GULP1: variants seen among roughly 807,000 people sequenced by gnomAD.
The protein encoded by GULP1 is GULP PTB domain containing engulfment adaptor 1.
A neutral mutation model predicts 40.9 loss-of-function variants in GULP1; 19 were observed. That is an observed-to-expected ratio of 0.46 (90% CI 0.32 to 0.68). GULP1 has a LOEUF of 0.68. GULP1 is among the 30% of genes least tolerant of loss of function. GULP1 has a pLI of 0.03. For synonymous variants in GULP1, 119 were observed against 117.6 expected (o/e 1.01, Z -0.08); for missense variants, 312 against 362.2 (o/e 0.86, Z 1.12).
At chr2:188,428,837 GT>G (rs1359373440) in intron 2 of GULP1, among the ~76,000 whole-genome samples, 1 of 151,056 alleles carries the variant, frequency 6.6e-6, no homozygotes, top group Admixed American at 6.6e-5. Context: ...AGTAATCTTT[GT>G]TGTTTTACCC....
At chr2:188,569,956 A>G (rs2153432118) in intron 8 of GULP1, 72 bp from the exon 9 acceptor site, 1 of 641,130 alleles carries the variant, frequency 1.6e-6, no homozygotes, top group Non-Finnish European at 2.8e-6. Flanking sequence ...ATAAATTCCT[A>G]CTCATAACTG....
At chr2:188,419,837 T>C (rs903022419) in intron 2 of GULP1, among the ~76,000 whole-genome samples, 2 of 152,210 alleles carry the variant, frequency 1.3e-5, no homozygotes, top group African/African-American at 2.4e-5. Context: ...TTTTGAGTCG[T>C]ATGTTTAAGT....
chr2:188,472,225 T>A (rs1374680561), intron 2 of GULP1, among the ~76,000 whole-genome samples: 1 of 152,066 alleles, frequency 6.6e-6, no homozygotes, highest in Non-Finnish European at 1.5e-5. Context: ...TCTTTGGGAG[T>A]TTGATTATTA....
At chr2:188,524,058 A>G (rs192683106) in intron 5 of GULP1, among the ~76,000 whole-genome samples, 1 of 152,332 alleles carries the variant, frequency 6.6e-6, no homozygotes, top group Admixed American at 6.5e-5. Context: ...ACACATTAGA[A>G]TAGGATTCTA....
chr2:188,346,098 G>A (rs2043607088), intron 1 of GULP1, among the ~76,000 whole-genome samples: 1 of 152,200 alleles, frequency 6.6e-6, no homozygotes, highest in South Asian at 2.1e-4. Flanking sequence ...ATAAATCACA[G>A]AGTGGATATT....
chr2:188,362,202 T>C (rs1267460231), intron 1 of GULP1, among the ~76,000 whole-genome samples: 2 of 152,070 alleles, frequency 1.3e-5, no homozygotes, highest in Admixed American at 1.3e-4. Flanking sequence ...CTGGAAATAT[T>C]CCATGTAAAA....
At chr2:188,408,601 G>A (rs1230603379) in intron 2 of GULP1, among the ~76,000 whole-genome samples, 4 of 152,058 alleles carry the variant, frequency 2.6e-5, no homozygotes, top group Admixed American at 2.0e-4. Flanking sequence ...TTTCAACAAT[G>A]GACAGATTAT....
At chr2:188,325,188 A>G (rs2040577812) in intron 1 of GULP1, among the ~76,000 whole-genome samples, 1 of 152,064 alleles carries the variant, frequency 6.6e-6, no homozygotes, top group Non-Finnish European at 1.5e-5. Flanking sequence ...TGTAAAAGAG[A>G]TTATACCAAA....
intron 5 of GULP1, among the ~76,000 whole-genome samples, chr2:188,526,528 G>A (rs1686196202): frequency 6.6e-6 from 1 of 152,058 alleles, no homozygotes; most frequent in African/African-American, 2.4e-5. Flanking sequence ...AAGGCAAGAG[G>A]TCTGTAAGTA....
intron 6 of GULP1, among the ~76,000 whole-genome samples, chr2:188,538,671 A>ATGTGTGTGTGAG (rs956705048): frequency 2.7e-5 from 4 of 150,034 alleles, no homozygotes; most frequent in African/African-American, 4.9e-5. Flanking sequence ...TGATTGCGGT[A>ATGTGTGTGTGAG]TGTGTGTGTG....
At chr2:188,422,839 C>T (rs1243319720) in intron 2 of GULP1, among the ~76,000 whole-genome samples, 1 of 151,944 alleles carries the variant, frequency 6.6e-6, no homozygotes, top group Non-Finnish European at 1.5e-5. Flanking sequence ...ACTTTGTGAC[C>T]ATACATGAGA....
At chr2:188,326,664 T>C (rs970790338) in intron 1 of GULP1, among the ~76,000 whole-genome samples, 5 of 152,172 alleles carry the variant, frequency 3.3e-5, no homozygotes, top group Non-Finnish European at 7.4e-5. Context: ...ACACTTGATA[T>C]AGTTTTATTT....
rs1234847713 is a variant in GULP1 at position 188,556,072 on chromosome 2, AAAAG to A, written c.400-13163_400-13160del. 2.7e-5 allele frequency among the ~76,000 whole-genome samples: 4 copies of A among 147,602 alleles called. No individual in the cohort carries two copies. In the East Asian group the frequency reaches 7.7e-4, roughly 29 times the overall value. On this transcript the variant is annotated intron_variant, in intron 7 of 11. Coordinates refer to ENST00000409830, the MANE Select transcript of GULP1 (RefSeq NM_016315.4). Reference sequence around the variant, plus strand: ...GACTCTGTCTCAAAAAAAAAAAAGAAAAAGAAAAAGAAAAAAAAAGAAGGTTTTC... The same window carrying A: ...GACTCTGTCTCAAAAAAAAAAAAGAAAAAAAGAAAAAAAAAGAAGGTTTTC...
Position 188,358,061 on chromosome 2 carries a change from G to A in GULP1, c.-171-25702G>A, listed in dbSNP as rs1029227707. ...TGGGGTGTGGTGGCACACGCCTGTA[G>A]TCCCAGGTACTCAGGAAGCTGAGAC... is the stretch of plus-strand genomic sequence containing the variant. On this transcript the variant is annotated intron_variant, in intron 1 of 11. Transcript: ENST00000409830. Among the ~76,000 whole-genome samples, 25 of 152,032 alleles carry A rather than the reference G, an allele frequency of 1.6e-4. 1 individual carries two copies. Among genetic ancestry groups the A allele is most frequent in the Admixed American group, 1.4e-3 (21 of 15,252 alleles).
chr2:188,435,466 A>T (rs1393265224), intron 2 of GULP1, among the ~76,000 whole-genome samples: 3 of 152,086 alleles, frequency 2.0e-5, no homozygotes, highest in Non-Finnish European at 4.4e-5. Flanking sequence ...CAATTCCATT[A>T]TAAGAATCTT....
chr2:188,294,254 A>C (rs903786023), intron 1 of GULP1: 2 of 152,204 alleles, frequency 1.3e-5, no homozygotes, highest in Non-Finnish European at 2.9e-5. Flanking sequence ...CCTAAATTGA[A>C]TAATTCAATT....
At chr2:188,427,786 A>G (rs1348238297) in intron 2 of GULP1, among the ~76,000 whole-genome samples, 1 of 152,228 alleles carries the variant, frequency 6.6e-6, no homozygotes, top group East Asian at 1.9e-4. Flanking sequence ...GGAAGGGGAA[A>G]TGTGTGGTTG....
intron 2 of GULP1, among the ~76,000 whole-genome samples, chr2:188,436,036 C>T (rs769662058): frequency 1.3e-5 from 2 of 152,024 alleles, no homozygotes; most frequent in South Asian, 4.1e-4. Context: ...AAAACCTCTC[C>T]ATCTTTACCA....
At chr2:188,539,404 A>G (rs1034214089) in intron 6 of GULP1, among the ~76,000 whole-genome samples, 1 of 152,284 alleles carries the variant, frequency 6.6e-6, no homozygotes, top group Non-Finnish European at 1.5e-5. Context: ...ACAAAAAAAA[A>G]TCAATAAGAA....
Sources: allele counts gnomAD v4.1 joint callset (sites outside exome capture counted in the v4.1 genomes callset), GRCh38; gene constraint gnomAD v4.1.1; transcripts MANE v1.5; gene names NCBI Gene and HGNC (gene_info 2026-07-23, HGNC 2026-07-21).